The following RNLS variants were observed in gnomAD, a reference collection of about 807,000 sequenced individuals.
RNLS encodes renalase.
A neutral mutation model predicts 39.8 loss-of-function variants in RNLS; 39 were observed. That is an observed-to-expected ratio of 0.98 (90% CI 0.76 to 1.28). The LOEUF is 1.28. Ranked by LOEUF, RNLS falls within the 50% of genes most tolerant of loss-of-function variation. The pLI, the probability that RNLS is intolerant of heterozygous loss-of-function variation, is 0.00. For synonymous variants in RNLS, 147 were observed against 150.7 expected (o/e 0.98, Z 0.18); for missense variants, 410 against 413.3 (o/e 0.99, Z 0.07).
chr10:88,534,722 A>G lies in RNLS; in HGVS notation c.526+38181T>C, dbSNP rs79560278. ...ATAAATATTTGTTGGCTAAATGAATAAATCTCAACTTGTATTCTTAGAAAG... is the reference window on the plus strand; with the variant it reads ...ATAAATATTTGTTGGCTAAATGAATGAATCTCAACTTGTATTCTTAGAAAG... On this transcript the variant is annotated intron_variant, in intron 4 of 6. Coordinates refer to ENST00000331772, the MANE Select transcript of RNLS (RefSeq NM_001031709.3). 5.5e-4 allele frequency among the ~76,000 whole-genome samples: 84 copies of G among 152,300 alleles called. 2 individuals are homozygous for G. In the East Asian group the frequency reaches 0.015, roughly 27 times the overall value.
chr10:88,346,359 C>T (rs1848306199), intron 5 of RNLS, among the ~76,000 whole-genome samples: 1 of 152,112 alleles, frequency 6.6e-6, no homozygotes, highest in Non-Finnish European at 1.5e-5. Context: ...CTTGTTTCTC[C>T]TTTTCAGGTT....
At chr10:88,400,396 G>C (rs1299478652) in intron 4 of RNLS, among the ~76,000 whole-genome samples, 2 of 151,772 alleles carry the variant, frequency 1.3e-5, no homozygotes, top group Non-Finnish European at 2.9e-5. Context: ...GCAATCTTTT[G>C]TCATACATCC....
At chr10:88,362,032 C>T (rs759375405) in intron 5 of RNLS, among the ~76,000 whole-genome samples, 2 of 151,980 alleles carry the variant, frequency 1.3e-5, no homozygotes, top group East Asian at 1.9e-4. Flanking sequence ...ACATTTTACC[C>T]GTTACATTGT....
chr10:88,285,320 C>T lies in RNLS; in HGVS notation c.*34G>A. On this transcript the variant is annotated 3_prime_UTR_variant, in exon 7 of 7. Transcript: ENST00000331772. ...TAACAGAAAATTGTGAAAATAAAAA[C>T]CCAATACACATGTAGAGAATAAGGA... 6.7e-7 allele frequency: 1 copy of T among 1,489,878 alleles called. No individual in the cohort carries two copies. Among genetic ancestry groups the T allele is most frequent in the East Asian group, 2.4e-5 (1 of 40,960 alleles). The allele number at this position is 1,489,878 out of a possible 1,614,324, so 92.3% of individuals were successfully genotyped here.
intron 4 of RNLS, among the ~76,000 whole-genome samples, chr10:88,543,073 T>C (rs931898948): frequency 1.3e-5 from 2 of 152,170 alleles, no homozygotes; most frequent in Non-Finnish European, 2.9e-5. Context: ...CTTATTTAAA[T>C]TGACCTCAAC....
chr10:88,561,239 T>C (rs1174440928), intron 4 of RNLS, among the ~76,000 whole-genome samples: 3 of 152,096 alleles, frequency 2.0e-5, no homozygotes, highest in Admixed American at 6.5e-5. Context: ...TTGAGGGCAG[T>C]TCTGGGAAAA....
At chr10:88,532,241 T>C (rs1338544174) in intron 4 of RNLS, among the ~76,000 whole-genome samples, 1 of 152,074 alleles carries the variant, frequency 6.6e-6, no homozygotes, top group African/African-American at 2.4e-5. Flanking sequence ...AATACACTGA[T>C]GCACACTTTA....
downstream of RNLS, among the ~76,000 whole-genome samples, chr10:88,282,478 TAC>T (rs60829171): frequency 0.087 from 12,427 of 142,736 alleles, 577 homozygotes; most frequent in East Asian, 0.16. Context: ...AAAGTGAAAA[TAC>T]ACACACACAC....
chr10:88,482,668 A>G (rs1844263470), intron 4 of RNLS, among the ~76,000 whole-genome samples: 1 of 152,040 alleles, frequency 6.6e-6, no homozygotes, highest in African/African-American at 2.4e-5. Flanking sequence ...CCTCAGAGGC[A>G]ATTTCTATGA....
chr10:88,280,113 T>TC (rs1457400541), downstream of RNLS, among the ~76,000 whole-genome samples: 1 of 151,886 alleles, frequency 6.6e-6, no homozygotes, highest in Non-Finnish European at 1.5e-5. Context: ...CCTCTCCTCC[T>TC]CCCCCCTTTA....
chr10:88,344,272 A>G (rs1450226009), intron 5 of RNLS, among the ~76,000 whole-genome samples: 1 of 152,172 alleles, frequency 6.6e-6, no homozygotes, highest in East Asian at 1.9e-4. Flanking sequence ...GCTGTCATCC[A>G]TTTGGTTTAG....
At chr10:88,174,825 A>G in the RNLS span, among the ~76,000 whole-genome samples, 2 of 152,290 alleles carry the variant, frequency 1.3e-5, no homozygotes, top group African/African-American at 4.8e-5. Context: ...ATAGTTTGCA[A>G]AGAATTGATG....
At chr10:88,317,371 T>C (rs904357171) in intron 5 of RNLS, among the ~76,000 whole-genome samples, 2 of 152,128 alleles carry the variant, frequency 1.3e-5, no homozygotes, top group Admixed American at 6.5e-5. Flanking sequence ...AAACATAAAG[T>C]GCTACACAAA....
downstream of RNLS, among the ~76,000 whole-genome samples, chr10:88,279,384 A>G (rs1164769870): frequency 6.6e-6 from 1 of 152,182 alleles, no homozygotes; most frequent in Admixed American, 6.6e-5. Flanking sequence ...CACAATGCTT[A>G]CACTTTGCAT....
At position 88,313,017 on chromosome 10, in the gene RNLS, G is replaced by A. The variant is rs116896499; in HGVS notation, c.876+1449C>T. Reference sequence around the variant, plus strand: ...ATGTAGACTTCATGACTTCAGAGTCGTAAATATAGTGAGATAATTTCAACA... The same window carrying A: ...ATGTAGACTTCATGACTTCAGAGTCATAAATATAGTGAGATAATTTCAACA... On this transcript the variant is annotated intron_variant, in intron 6 of 6. Transcript: ENST00000331772. 4.0e-3 allele frequency among the ~76,000 whole-genome samples: 611 copies of A among 152,230 alleles called. 3 individuals carry two copies. Among genetic ancestry groups the A allele is most frequent in the South Asian group, 0.029 (138 of 4,826 alleles).
intron 4 of RNLS, among the ~76,000 whole-genome samples, chr10:88,373,661 T>A (rs7920126): frequency 0.33 from 49,868 of 151,972 alleles, 8,737 homozygotes; most frequent in African/African-American, 0.45. Context: ...TAAAAGTTAA[T>A]TTTATTAATG....
Position 88,558,500 on chromosome 10 carries a change from C to A in RNLS, c.526+14403G>T, listed in dbSNP as rs1024962810. ...ACAACTAATTAGTTCCCCAGAGGGACACTTAAGTAGGTAAACTCCCTCTGT... is the reference window on the plus strand; with the variant it reads ...ACAACTAATTAGTTCCCCAGAGGGAAACTTAAGTAGGTAAACTCCCTCTGT... On this transcript the variant is annotated intron_variant, in intron 4 of 6. Transcript: ENST00000331772. Among the ~76,000 whole-genome samples, 7 of 152,228 alleles carry A rather than the reference C, an allele frequency of 4.6e-5. No individual in the cohort carries two copies. In the South Asian group the frequency reaches 1.4e-3, roughly 32 times the overall value.
chr10:88,219,183 T>C, the RNLS span, among the ~76,000 whole-genome samples: 1 of 152,206 alleles, frequency 6.6e-6, no homozygotes, highest in Non-Finnish European at 1.5e-5. Context: ...GAGTAAATGG[T>C]TACATAACTA....
intron 5 of RNLS, among the ~76,000 whole-genome samples, chr10:88,350,503 T>C (rs1564718267): frequency 6.6e-6 from 1 of 152,172 alleles, no homozygotes; most frequent in African/African-American, 2.4e-5. Flanking sequence ...GTCCTTGCGA[T>C]AGTTTGCTGA....
Sources: gnomAD v4.1 joint callset for allele counts (sites outside exome capture counted in the v4.1 genomes callset) on GRCh38, gnomAD v4.1.1 for gene constraint, MANE v1.5 for transcripts, NCBI Gene and HGNC (gene_info 2026-07-23, HGNC 2026-07-21) for gene names.